Variants in NAALADL2 observed in about 807,000 individuals in gnomAD.
NAALADL2 encodes N-acetylated alpha-linked acidic dipeptidase like 2.
Under a neutral mutation model 87.2 loss-of-function variants are expected in NAALADL2, and 76 were observed. The observed-to-expected ratio is 0.87, with a 90% CI of 0.72 to 1.05. The LOEUF is 1.05. NAALADL2 is among the 50% of genes least tolerant of loss of function. The probability of loss-of-function intolerance (pLI) is 0.00; values close to 1 mark genes in which losing one functional copy is unlikely to be tolerated. For synonymous variants in NAALADL2, 354 were observed against 331.0 expected (o/e 1.07, Z -0.75); for missense variants, 1,089 against 945.8 (o/e 1.15, Z -1.99).
intron 2 of NAALADL2, among the ~76,000 whole-genome samples, chr3:175,155,195 G>T (rs1732119706): frequency 6.6e-6 from 1 of 152,066 alleles, no homozygotes; most frequent in Non-Finnish European, 1.5e-5. Context: ...TGGGGCCTGG[G>T]TATCAGCAGT....
At chr3:174,705,513 G>C (rs1007385634) in intron 2 of NAALADL2, among the ~76,000 whole-genome samples, 2 of 152,100 alleles carry the variant, frequency 1.3e-5, no homozygotes, top group Non-Finnish European at 2.9e-5. Context: ...GGCCGGGCGC[G>C]ATGGCTCACG....
intron 11 of NAALADL2, among the ~76,000 whole-genome samples, chr3:175,633,019 A>G (rs1033830481): frequency 1.3e-5 from 2 of 152,136 alleles, no homozygotes; most frequent in Non-Finnish European, 2.9e-5. Context: ...GATAATGTAG[A>G]TGATGTTACC....
At chr3:174,771,550 T>C (rs1170724166) in intron 3 of NAALADL2, among the ~76,000 whole-genome samples, 1 of 152,144 alleles carries the variant, frequency 6.6e-6, no homozygotes, top group Non-Finnish European at 1.5e-5. Flanking sequence ...GTGCATGAGC[T>C]TTGGTAAAGG....
chr3:174,801,002 T>G (rs938120780), intron 3 of NAALADL2, among the ~76,000 whole-genome samples: 6 of 152,180 alleles, frequency 3.9e-5, no homozygotes, highest in African/African-American at 1.2e-4. Flanking sequence ...AGTAACTAAC[T>G]TGCTTTTGAT....
At chr3:175,441,410 C>T (rs1412430077) in intron 5 of NAALADL2, among the ~76,000 whole-genome samples, 1 of 152,122 alleles carries the variant, frequency 6.6e-6, no homozygotes, top group Non-Finnish European at 1.5e-5. Context: ...AATTTGGTAT[C>T]CACAAGGGCT....
At chr3:175,252,077 T>C (rs764880949) in intron 3 of NAALADL2, among the ~76,000 whole-genome samples, 14 of 152,210 alleles carry the variant, frequency 9.2e-5, no homozygotes, top group Non-Finnish European at 1.9e-4. Context: ...ATATTGTAAA[T>C]GTCTTTTGAA....
At chr3:174,858,538 C>T (rs188017144), upstream of NAALADL2, among the ~76,000 whole-genome samples, 102 of 152,018 alleles carry the variant, frequency 6.7e-4, no homozygotes, top group African/African-American at 2.5e-3. Flanking sequence ...GACCTTGAGG[C>T]AACTCAGGAT....
At chr3:175,789,903 G>T (rs1248595206) in intron 13 of NAALADL2, among the ~76,000 whole-genome samples, 1 of 152,028 alleles carries the variant, frequency 6.6e-6, no homozygotes, top group Non-Finnish European at 1.5e-5. Flanking sequence ...AATGCATTTT[G>T]TTTTCCCTAA....
At chr3:174,822,204 G>A (rs1413270163) in intron 3 of NAALADL2, among the ~76,000 whole-genome samples, 11 of 151,872 alleles carry the variant, frequency 7.2e-5, no homozygotes, top group Admixed American at 6.6e-4. Flanking sequence ...GAGAGTGAGC[G>A]AGCAAATATA....
chr3:174,967,252 T>C (rs1035349050), intron 1 of NAALADL2, among the ~76,000 whole-genome samples: 3 of 151,960 alleles, frequency 2.0e-5, no homozygotes, highest in African/African-American at 7.3e-5. Flanking sequence ...TTTCATATAT[T>C]ATATGCAATA....
At chr3:174,454,769 CA>C (rs1284731351) in intron 1 of NAALADL2, among the ~76,000 whole-genome samples, 2 of 152,034 alleles carry the variant, frequency 1.3e-5, no homozygotes, top group Non-Finnish European at 2.9e-5. Context: ...TAAACACTCA[CA>C]TTAAAAAGTT....
At chr3:174,450,036 C>T (rs1577937111) in intron 1 of NAALADL2, among the ~76,000 whole-genome samples, 2 of 152,146 alleles carry the variant, frequency 1.3e-5, no homozygotes, top group Non-Finnish European at 2.9e-5. Context: ...CACACACACA[C>T]ACACACACAC....
intron 2 of NAALADL2, among the ~76,000 whole-genome samples, chr3:174,612,820 T>C (rs765984304): frequency 1.3e-5 from 2 of 152,174 alleles, no homozygotes; most frequent in Non-Finnish European, 2.9e-5. Context: ...ATTTGGTAAG[T>C]CATGTTTTCC....
intron 1 of NAALADL2, among the ~76,000 whole-genome samples, chr3:174,968,062 T>C (rs1390919493): frequency 6.6e-6 from 1 of 152,206 alleles, no homozygotes. Context: ...ATCTGAAACA[T>C]AGGAGTATTG....
At chr3:175,073,091 G>A (rs1319833802) in intron 1 of NAALADL2, among the ~76,000 whole-genome samples, 1 of 151,998 alleles carries the variant, frequency 6.6e-6, no homozygotes, top group Admixed American at 6.6e-5. Flanking sequence ...CCACAAATCT[G>A]TTGGCACTCA....
At chr3:174,589,576 A>G (rs939342039) in intron 2 of NAALADL2, among the ~76,000 whole-genome samples, 1 of 152,232 alleles carries the variant, frequency 6.6e-6, no homozygotes, top group Admixed American at 6.5e-5. Flanking sequence ...GGTCACACCA[A>G]CAGTGAATGA....
intron 11 of NAALADL2, among the ~76,000 whole-genome samples, chr3:175,691,313 TATTA>T (rs763226265): frequency 4.0e-5 from 6 of 151,368 alleles, no homozygotes; most frequent in South Asian, 2.1e-4. Context: ...GGACATTTCT[TATTA>T]ATTTTATCTG....
intron 4 of NAALADL2, among the ~76,000 whole-genome samples, chr3:175,261,118 A>G (rs1393904945): frequency 6.6e-6 from 1 of 152,168 alleles, no homozygotes; most frequent in South Asian, 2.1e-4. Flanking sequence ...CTACGTATTT[A>G]TAACAGTTTA....
At chr3:175,535,938 C>A (rs1734755338) in intron 9 of NAALADL2, among the ~76,000 whole-genome samples, 1 of 152,118 alleles carries the variant, frequency 6.6e-6, no homozygotes, top group Non-Finnish European at 1.5e-5. Context: ...ACTAGTATGT[C>A]CATTTTTTAG....
Sources: gnomAD v4.1 joint callset for allele counts (sites outside exome capture counted in the v4.1 genomes callset) on GRCh38, gnomAD v4.1.1 for gene constraint, MANE v1.5 for transcripts, NCBI Gene and HGNC (gene_info 2026-07-23, HGNC 2026-07-21) for gene names.